Variants in AK5 observed in about 807,000 individuals in gnomAD.
The protein encoded by AK5 is adenylate kinase isoenzyme 5.
Under a neutral mutation model 69.5 loss-of-function variants are expected in AK5, and 27 were observed. The ratio of observed to expected loss-of-function variants is 0.39; its 90% confidence interval spans 0.29 to 0.54. The LOEUF (loss-of-function observed/expected upper bound fraction) is 0.54. AK5 is among the 20% of genes least tolerant of loss of function. AK5 has a pLI of 0.71. For synonymous variants in AK5, 260 were observed against 244.4 expected, an observed-to-expected ratio of 1.06 and a Z score of -0.60; for missense variants, 531 against 700.4, an observed-to-expected ratio of 0.76 and a Z score of 2.73.
rs116443751 is a variant in AK5 at position 77,291,511 on chromosome 1, C to T, written c.248-2282C>T. On this transcript the variant is annotated intron_variant, in intron 2 of 13. Transcript: ENST00000354567. ...TCTTACCAACCCTCCCCTGCAAATC[C>T]TCCACTGGCTTTCTACTAGATTAAA... Among the ~76,000 whole-genome samples, 367 of 152,152 alleles carry T rather than the reference C, an allele frequency of 2.4e-3. 2 individuals are homozygous for T. Among genetic ancestry groups the T allele is most frequent in the African/African-American group, 8.1e-3 (338 of 41,498 alleles).
At chr1:77,544,982 G>A (rs1410403717) in intron 13 of AK5, among the ~76,000 whole-genome samples, 5 of 152,156 alleles carry the variant, frequency 3.3e-5, no homozygotes, top group African/African-American at 4.8e-5. Flanking sequence ...AATCCATTGC[G>A]CTGTGACATT....
rs923422648 is a variant in AK5 at position 77,559,211 on chromosome 1, G to A, written c.*541G>A. On this transcript the variant is annotated 3_prime_UTR_variant, in exon 14 of 14. Coordinates refer to ENST00000354567, the MANE Select transcript of AK5 (RefSeq NM_174858.3). ...AGGTGGGTTGATTACACAATGCCTT[G>A]TACATGATATAGAGGCATCAAGCAA... 6.6e-6 allele frequency: 1 copy of A among 152,242 alleles called. No individual in the cohort carries two copies. The highest frequency in any genetic ancestry group is 2.4e-5 in the African/African-American group (1 of 41,424). 9.4% of individuals were successfully genotyped at this position (152,242 alleles called of 1,614,324 possible). A position where few individuals can be genotyped will look rare whatever the true frequency, so the allele number is the denominator to read the frequency against.
At chr1:77,523,367 T>C (rs1251943986) in intron 12 of AK5, among the ~76,000 whole-genome samples, 1 of 152,172 alleles carries the variant, frequency 6.6e-6, no homozygotes, top group African/African-American at 2.4e-5. Context: ...GTGGAAGTTT[T>C]AGGCAGTTCT....
At chr1:77,429,391 A>T (rs1570106518) in intron 8 of AK5, among the ~76,000 whole-genome samples, 3 of 152,232 alleles carry the variant, frequency 2.0e-5, no homozygotes, top group African/African-American at 7.2e-5. Context: ...TTGGCTGCAT[A>T]AATGTCTTCT....
At chr1:77,301,084 A>G (rs989166876) in intron 5 of AK5, among the ~76,000 whole-genome samples, 7 of 152,170 alleles carry the variant, frequency 4.6e-5, no homozygotes, top group Non-Finnish European at 7.3e-5. Flanking sequence ...CCACTGTAAC[A>G]AAAGGGCCTA....
At chr1:77,454,698 C>A (rs559010826) in intron 8 of AK5, among the ~76,000 whole-genome samples, 86 of 152,336 alleles carry the variant, frequency 5.6e-4, no homozygotes, top group South Asian at 1.0e-3. Flanking sequence ...ATACCCGCAG[C>A]TCTTCACAAT....
At chr1:77,539,527 T>C (rs1659161225) in intron 13 of AK5, among the ~76,000 whole-genome samples, 1 of 152,198 alleles carries the variant, frequency 6.6e-6, no homozygotes, top group East Asian at 1.9e-4. Context: ...CAGTCCTCCC[T>C]ACACACCTAG....
chr1:77,319,750 A>G (rs1408997597), intron 5 of AK5, among the ~76,000 whole-genome samples: 2 of 152,248 alleles, frequency 1.3e-5, no homozygotes, highest in East Asian at 3.8e-4. Flanking sequence ...CAAAAATATA[A>G]ATTCAAATTA....
intron 3 of AK5, among the ~76,000 whole-genome samples, chr1:77,294,928 C>T (rs541777270): frequency 3.6e-4 from 55 of 151,862 alleles, no homozygotes; most frequent in Non-Finnish European, 6.9e-4. Flanking sequence ...ATTTGGGAGG[C>T]TGAGGTGGGA....
intron 8 of AK5, among the ~76,000 whole-genome samples, chr1:77,470,845 AT>A (rs1654422974): frequency 1.4e-3 from 1 of 718 alleles, no homozygotes; most frequent in East Asian, 0.033. Context: ...ATATATATAT[AT>A]ATATATATAT....
chr1:77,294,073 G>A, intron 3 of AK5, 113 bp downstream of exon 3: 1 of 909,956 alleles, frequency 1.1e-6, no homozygotes, highest in Non-Finnish European at 1.6e-6. Context: ...ACAAGCAATA[G>A]AAACAAAAGC....
intron 6 of AK5, among the ~76,000 whole-genome samples, chr1:77,378,305 A>G (rs780058144): frequency 1.1e-4 from 17 of 152,216 alleles, no homozygotes; most frequent in Non-Finnish European, 2.2e-4. Context: ...AGGTCCTTAC[A>G]CTACAGGAGA....
intron 10 of AK5, among the ~76,000 whole-genome samples, chr1:77,503,416 T>A (rs1455012796): frequency 1.3e-5 from 2 of 152,236 alleles, no homozygotes; most frequent in African/African-American, 4.8e-5. Context: ...TGTATGAACA[T>A]ATTGGCTAAA....
intron 5 of AK5, among the ~76,000 whole-genome samples, chr1:77,304,155 T>G (rs911276173): frequency 2.0e-5 from 3 of 152,146 alleles, no homozygotes; most frequent in African/African-American, 7.2e-5. Flanking sequence ...CCCCGACACA[T>G]CCGCAACCCC....
intron 6 of AK5, among the ~76,000 whole-genome samples, chr1:77,370,784 C>A (rs956153330): frequency 6.6e-6 from 1 of 152,156 alleles, no homozygotes; most frequent in East Asian, 1.9e-4. Flanking sequence ...ACCTGCCAAG[C>A]AGTGCCAGGC....
intron 5 of AK5, among the ~76,000 whole-genome samples, chr1:77,339,088 T>A (rs564409890): frequency 6.6e-6 from 1 of 152,248 alleles, no homozygotes; most frequent in South Asian, 2.1e-4. Flanking sequence ...AATAATAGAA[T>A]CCCATCCTTT....
intron 10 of AK5, among the ~76,000 whole-genome samples, chr1:77,498,013 G>A (rs554775463): frequency 3.3e-5 from 5 of 152,322 alleles, no homozygotes; most frequent in African/African-American, 1.2e-4. Flanking sequence ...AGCCATGTGT[G>A]TGCAAGAAGT....
intron 8 of AK5, among the ~76,000 whole-genome samples, chr1:77,431,793 G>A (rs1396555731): frequency 6.6e-6 from 1 of 152,142 alleles, no homozygotes; most frequent in Non-Finnish European, 1.5e-5. Context: ...AACTATGTGT[G>A]TATTCAGGGA....
intron 5 of AK5, among the ~76,000 whole-genome samples, chr1:77,340,163 C>T (rs1421139461): frequency 6.6e-6 from 1 of 152,074 alleles, no homozygotes; most frequent in Non-Finnish European, 1.5e-5. Flanking sequence ...CTGCATATGG[C>T]CACATGAGTT....
Sources: allele counts gnomAD v4.1 joint callset (sites outside exome capture counted in the v4.1 genomes callset), GRCh38; gene constraint gnomAD v4.1.1; transcripts MANE v1.5; gene names NCBI Gene and HGNC (gene_info 2026-07-23, HGNC 2026-07-21).